ERC1: variants seen among roughly 807,000 people sequenced by gnomAD.
ERC1 encodes ELKS/RAB6-interacting/CAST family member 1.
In ERC1, 56 loss-of-function variants were observed where a neutral mutation model predicts 132.0. That is an observed-to-expected ratio of 0.42 (90% CI 0.34 to 0.53). The LOEUF is 0.53. ERC1 is among the 20% of genes least tolerant of loss of function. The pLI is 0.03. For synonymous variants in ERC1, 478 were observed against 476.1 expected (o/e 1.00, Z -0.05); for missense variants, 1,202 against 1,349.9 (o/e 0.89, Z 1.72).
chr12:1,394,100 T>A (rs1174737871), intron 16 of ERC1, among the ~76,000 whole-genome samples: 1 of 147,290 alleles, frequency 6.8e-6, no homozygotes, highest in Admixed American at 6.8e-5. Flanking sequence ...GTGATCATAC[T>A]TTAAAAAAAA....
At chr12:1,164,491 G>A (rs1019069186) in intron 8 of ERC1, among the ~76,000 whole-genome samples, 41 of 148,872 alleles carry the variant, frequency 2.8e-4, no homozygotes, top group Admixed American at 4.7e-4. Flanking sequence ...ACAGGCGCCC[G>A]CCACCGCACC....
chr12:1,166,545 C>G (rs1952448232), intron 8 of ERC1, among the ~76,000 whole-genome samples: 1 of 152,176 alleles, frequency 6.6e-6, no homozygotes, highest in South Asian at 2.1e-4. Flanking sequence ...TGCTGTTTAT[C>G]AGGTTGAGAA....
At chr12:1,302,653 T>C (rs926665673) in intron 15 of ERC1, among the ~76,000 whole-genome samples, 4 of 152,190 alleles carry the variant, frequency 2.6e-5, no homozygotes, top group Non-Finnish European at 4.4e-5. Flanking sequence ...CGCAAATTTA[T>C]TGGTTTCCCA....
intron 13 of ERC1, among the ~76,000 whole-genome samples, chr12:1,243,003 A>C (rs190473405): frequency 0.03 from 4,496 of 151,402 alleles, 106 homozygotes; most frequent in East Asian, 0.074. Flanking sequence ...CTGGCTAACA[A>C]GGTGAAACCC....
intron 12 of ERC1, among the ~76,000 whole-genome samples, chr12:1,233,158 TCTTAGC>T (rs1183963415): frequency 6.6e-6 from 1 of 152,104 alleles, no homozygotes; most frequent in Non-Finnish European, 1.5e-5. Context: ...CACTAGTTAA[TCTTAGC>T]CTCTTTAAGA....
intron 17 of ERC1, among the ~76,000 whole-genome samples, chr12:1,426,967 C>T (rs976752415): frequency 3.3e-5 from 5 of 152,082 alleles, no homozygotes; most frequent in Admixed American, 3.3e-4. Context: ...CCCACTAGAA[C>T]ATATATGTCT....
At chr12:1,402,777 G>A (rs2091186202) in intron 16 of ERC1, among the ~76,000 whole-genome samples, 1 of 152,162 alleles carries the variant, frequency 6.6e-6, no homozygotes, top group African/African-American at 2.4e-5. Flanking sequence ...TAGTGAGACA[G>A]ATTGTTCATG....
At chr12:1,225,369 G>T (rs1412328159) in intron 12 of ERC1, among the ~76,000 whole-genome samples, 1 of 151,578 alleles carries the variant, frequency 6.6e-6, no homozygotes, top group Non-Finnish European at 1.5e-5. Flanking sequence ...AGGATCAATT[G>T]AGCCCAGGAG....
intron 8 of ERC1, among the ~76,000 whole-genome samples, chr12:1,164,775 T>C (rs1298386771): frequency 1.3e-5 from 2 of 152,198 alleles, no homozygotes; most frequent in South Asian, 2.1e-4. Context: ...TTGGAAAATA[T>C]CTACTTCAGT....
chr12:1,092,298 A>G (rs976366719), intron 3 of ERC1, among the ~76,000 whole-genome samples: 1 of 152,212 alleles, frequency 6.6e-6, no homozygotes, highest in Non-Finnish European at 1.5e-5. Context: ...CGCCCGGCCC[A>G]CATTTAATCA....
At chr12:1,459,091 T>A (rs1451936842) in intron 18 of ERC1, among the ~76,000 whole-genome samples, 1 of 152,168 alleles carries the variant, frequency 6.6e-6, no homozygotes, top group Non-Finnish European at 1.5e-5. Flanking sequence ...TAAGTAAAGA[T>A]AGTAACAGAT....
chr12:1,209,284 T>A (rs77545489), intron 12 of ERC1, among the ~76,000 whole-genome samples: 4,396 of 152,236 alleles, frequency 0.029, 219 homozygotes, highest in African/African-American at 0.1. Flanking sequence ...TCATGATGGC[T>A]TTATTTGCAA....
intron 8 of ERC1, among the ~76,000 whole-genome samples, chr12:1,173,142 C>A (rs576172780): frequency 1.4e-4 from 21 of 152,260 alleles, no homozygotes; most frequent in African/African-American, 4.6e-4. Flanking sequence ...CATAAGAAAT[C>A]ATTTATGGAA....
At position 1,491,299 on chromosome 12, in the gene ERC1, C is replaced by CTCG. The variant is rs979419143; in HGVS notation, c.*1072_*1074dup. Reference sequence around the variant, plus strand: ...CTCACCCTGCTAGCTTTGCCCTTGACTCGTCTTCTCTGAACCTCAGCCTCG... The same window carrying CTCG: ...CTCACCCTGCTAGCTTTGCCCTTGACTCGTCGTCTTCTCTGAACCTCAGCCTCG... On this transcript the variant is annotated 3_prime_UTR_variant, in exon 19 of 19. Coordinates refer to ENST00000360905, the MANE Select transcript of ERC1 (RefSeq NM_178040.4). The CTCG allele has an allele frequency of 1.3e-4, 29 of 231,196 alleles. No homozygotes were observed. The highest frequency in any genetic ancestry group is 5.7e-4 in the African/African-American group (26 of 45,234). 14.3% of individuals were successfully genotyped at this position (231,196 alleles called of 1,614,324 possible). A position where few individuals can be genotyped will look rare whatever the true frequency, so the allele number is the denominator to read the frequency against.
At chr12:1,243,834 A>G (rs923929044) in intron 13 of ERC1, among the ~76,000 whole-genome samples, 1 of 152,158 alleles carries the variant, frequency 6.6e-6, no homozygotes, top group Non-Finnish European at 1.5e-5. Context: ...ACGTTTAGAA[A>G]CACTTTGAAT....
chr12:1,102,706 G>A (rs574122617), intron 3 of ERC1, among the ~76,000 whole-genome samples: 3 of 152,278 alleles, frequency 2.0e-5, no homozygotes, highest in South Asian at 2.1e-4. Context: ...TTTGTGGAGC[G>A]TACATTCTCG....
chr12:1,181,707 C>T (rs904185254), intron 9 of ERC1, among the ~76,000 whole-genome samples: 4 of 151,058 alleles, frequency 2.6e-5, no homozygotes, highest in Non-Finnish European at 5.9e-5. Context: ...CGCTTGAACC[C>T]GAGAGGCAGA....
intron 3 of ERC1, among the ~76,000 whole-genome samples, chr12:1,096,012 A>C (rs1253688113): frequency 6.8e-5 from 10 of 146,574 alleles, no homozygotes; most frequent in Admixed American, 4.2e-4. Context: ...TGCGGCCTCC[A>C]CCTCCCAGGC....
chr12:1,311,365 GTTAGAGGTATGAGATCAGCCTTAGTTGA>G (rs550218004), intron 15 of ERC1, among the ~76,000 whole-genome samples: 2 of 151,026 alleles, frequency 1.3e-5, no homozygotes, highest in Admixed American at 6.6e-5. Context: ...CTTCAGTAGT[GTTAGAGGTATGAGATCAGCCTTAGTTGA>G]TTAGAGGTAT....
Sources: allele counts gnomAD v4.1 joint callset (sites outside exome capture counted in the v4.1 genomes callset), GRCh38; gene constraint gnomAD v4.1.1; transcripts MANE v1.5; gene names NCBI Gene and HGNC (gene_info 2026-07-23, HGNC 2026-07-21).